The following LRBA variants were observed in gnomAD, a reference collection of about 807,000 sequenced individuals.
LRBA encodes lipopolysaccharide-responsive and beige-like anchor protein.
In LRBA, 176 loss-of-function variants were observed where a neutral mutation model predicts 330.0. The ratio of observed to expected loss-of-function variants is 0.53; its 90% confidence interval spans 0.47 to 0.60. LRBA has a LOEUF of 0.60. Ranked by LOEUF, LRBA falls within the 20% of genes least tolerant of loss-of-function variation. LRBA has a pLI of 0.00. For synonymous variants in LRBA, 1,230 were observed against 1,193.0 expected (o/e 1.03, Z -0.64); for missense variants, 3,259 against 3,444.8 (o/e 0.95, Z 1.35).
At chr4:150,979,857 C>T (rs971650287) in intron 2 of LRBA, among the ~76,000 whole-genome samples, 1 of 152,084 alleles carries the variant, frequency 6.6e-6, no homozygotes, top group South Asian at 2.1e-4. Context: ...AAGAAAAGTC[C>T]AGGACCTGAT....
At chr4:150,674,083 C>G (rs764895268) in intron 37 of LRBA, among the ~76,000 whole-genome samples, 1 of 151,810 alleles carries the variant, frequency 6.6e-6, no homozygotes, top group African/African-American at 2.4e-5. Context: ...CATGAGCTTT[C>G]GATGTCAGCT....
intron 40 of LRBA, among the ~76,000 whole-genome samples, chr4:150,560,614 A>G (rs1477407107): frequency 1.3e-5 from 2 of 152,206 alleles, no homozygotes; most frequent in African/African-American, 4.8e-5. Context: ...CTGTAGTTCA[A>G]TCATTATGAA....
At chr4:150,584,118 G>T in intron 40 of LRBA, 1 of 1,512,982 alleles carries the variant, frequency 6.6e-7, no homozygotes, top group Non-Finnish European at 8.8e-7. Flanking sequence ...AGGGTGCTGG[G>T]GACTGCTTGA....
chr4:150,489,843 A>G (rs1470579002), intron 41 of LRBA, among the ~76,000 whole-genome samples: 2 of 148,094 alleles, frequency 1.4e-5, no homozygotes, highest in African/African-American at 4.9e-5. Flanking sequence ...ATTCAGGGGG[A>G]AAAAATAAAC....
At chr4:150,682,311 A>G (rs567285640) in intron 37 of LRBA, among the ~76,000 whole-genome samples, 2 of 152,280 alleles carry the variant, frequency 1.3e-5, no homozygotes, top group East Asian at 3.9e-4. Flanking sequence ...ATGTTGCAAG[A>G]TAAGGCACCA....
chr4:150,716,791 T>C (rs1201433131), intron 36 of LRBA, among the ~76,000 whole-genome samples: 1 of 152,136 alleles, frequency 6.6e-6, no homozygotes, highest in Non-Finnish European at 1.5e-5. Flanking sequence ...GTCAAGAATA[T>C]GTTCAATAAT....
intron 36 of LRBA, among the ~76,000 whole-genome samples, chr4:150,734,663 C>T (rs1730954707): frequency 6.6e-6 from 1 of 152,160 alleles, no homozygotes; most frequent in Admixed American, 6.5e-5. Flanking sequence ...TTAATTTCCT[C>T]TAGAAATTTG....
chr4:150,830,815 T>C (rs979409903), intron 29 of LRBA, among the ~76,000 whole-genome samples: 23 of 149,098 alleles, frequency 1.5e-4, no homozygotes, highest in Admixed American at 2.7e-4. Context: ...CAGGCTGGAG[T>C]TGTTGTGGTG....
chr4:151,000,231 T>A (rs1743182361), intron 2 of LRBA, among the ~76,000 whole-genome samples: 1 of 152,194 alleles, frequency 6.6e-6, no homozygotes, highest in African/African-American at 2.4e-5. Flanking sequence ...AAAACTACCA[T>A]AAATCAACAA....
intron 44 of LRBA, among the ~76,000 whole-genome samples, chr4:150,460,125 A>G (rs776362064): frequency 1.3e-5 from 2 of 151,808 alleles, no homozygotes; most frequent in African/African-American, 2.4e-5. Context: ...AGAGCAGACT[A>G]AAAGGACTGG....
At position 150,872,750 on chromosome 4, in the gene LRBA, A is replaced by G. The variant is rs1753581994; in HGVS notation, c.2171T>C (p.Ile724Thr). The part of the protein sequence containing the change: ...AFDQRNGLRV[I>T]YKLLASKSEG... Reference sequence around the variant, plus strand: ...ACTTTTCGATGCCAGAAGTTTGTAGATAACACTGAATGAATAAAAATTTAA... The same window carrying G: ...ACTTTTCGATGCCAGAAGTTTGTAGGTAACACTGAATGAATAAAAATTTAA... Residue 724 changes from isoleucine to threonine, a missense_variant, in exon 18 of 57, where the codon ATC becomes ACC. Ile to Thr is a moderately conservative substitution (Grantham distance 89). Transcript: ENST00000651943. 4 of 1,549,916 alleles carry G rather than the reference A, an allele frequency of 2.6e-6. No homozygotes were observed. The highest frequency in any genetic ancestry group is 1.4e-5 in the African/African-American group (1 of 73,212).
chr4:150,830,917 CCAT>C (rs1323191053), intron 29 of LRBA, among the ~76,000 whole-genome samples: 18 of 152,034 alleles, frequency 1.2e-4, no homozygotes, highest in Admixed American at 8.5e-4. Flanking sequence ...GCACCCACCA[CCAT>C]GCCTGGCTAA....
At chr4:150,954,032 GCC>G (rs1737217792) in intron 2 of LRBA, among the ~76,000 whole-genome samples, 3 of 145,290 alleles carry the variant, frequency 2.1e-5, no homozygotes, top group East Asian at 2.1e-4. Context: ...GAAGTGAGGA[GCC>G]TCTCCGCCCG....
intron 37 of LRBA, among the ~76,000 whole-genome samples, chr4:150,656,682 C>T (rs1780218599): frequency 6.6e-6 from 1 of 152,118 alleles, no homozygotes; most frequent in Non-Finnish European, 1.5e-5. Context: ...GTAAGTATTA[C>T]TAAATAAATG....
intron 35 of LRBA, among the ~76,000 whole-genome samples, chr4:150,741,759 G>A (rs1732008806): frequency 6.6e-6 from 1 of 151,914 alleles, no homozygotes; most frequent in Non-Finnish European, 1.5e-5. Flanking sequence ...TTGAGCAAAA[G>A]CACACAAAAA....
chr4:150,331,616 TA>T (rs1479045858), intron 48 of LRBA, among the ~76,000 whole-genome samples: 1 of 152,194 alleles, frequency 6.6e-6, no homozygotes, highest in East Asian at 1.9e-4. Flanking sequence ...TTAAACAATT[TA>T]TTTTTTTTAA....
At chr4:150,323,911 C>T (rs531359870) in intron 49 of LRBA, among the ~76,000 whole-genome samples, 4 of 152,210 alleles carry the variant, frequency 2.6e-5, no homozygotes, top group Non-Finnish European at 5.9e-5. Context: ...TAGGAAATTG[C>T]TAGCCAGGTT....
At chr4:150,889,119 G>A (rs1729221839) in intron 17 of LRBA, among the ~76,000 whole-genome samples, 1 of 152,034 alleles carries the variant, frequency 6.6e-6, no homozygotes, top group Non-Finnish European at 1.5e-5. Context: ...GTTTTATTAA[G>A]GCCTTCAACT....
chr4:150,270,645 C>T (rs116231192), intron 56 of LRBA, among the ~76,000 whole-genome samples: 494 of 152,068 alleles, frequency 3.2e-3, no homozygotes, highest in Non-Finnish European at 4.7e-3. Context: ...AATTATATAT[C>T]GAAAAGAGTT....
Sources: allele counts gnomAD v4.1 joint callset (sites outside exome capture counted in the v4.1 genomes callset), GRCh38; gene constraint gnomAD v4.1.1; transcripts MANE v1.5; gene names NCBI Gene and HGNC (gene_info 2026-07-23, HGNC 2026-07-21).